CDC14B: variants seen among roughly 807,000 people sequenced by gnomAD.
CDC14B encodes cell division cycle 14B, also known as dual specificity protein phosphatase CDC14B.
In CDC14B, 22 loss-of-function variants were observed where a neutral mutation model predicts 64.2. That is an observed-to-expected ratio of 0.34 (90% CI 0.24 to 0.49). The LOEUF is 0.49. CDC14B is among the 20% of genes least tolerant of loss of function. The probability of loss-of-function intolerance (pLI) is 0.99; values close to 1 mark genes in which losing one functional copy is unlikely to be tolerated. For missense variants in CDC14B, 498 were observed against 629.9 expected, an observed-to-expected ratio of 0.79 and a Z score of 2.24; for synonymous variants, 191 against 215.8, an observed-to-expected ratio of 0.89 and a Z score of 1.01.
At chr9:96,568,405 C>A (rs1427488586) in intron 1 of CDC14B, among the ~76,000 whole-genome samples, 1 of 152,124 alleles carries the variant, frequency 6.6e-6, no homozygotes, top group East Asian at 1.9e-4. Flanking sequence ...GATACCTAAC[C>A]TCAATTTGTT....
chr9:96,604,676 G>A (rs376555323), intron 1 of CDC14B, among the ~76,000 whole-genome samples: 2 of 150,536 alleles, frequency 1.3e-5, no homozygotes, highest in East Asian at 2.0e-4. Flanking sequence ...TGCGGGGGGC[G>A]GGGCAGGAGG....
chr9:96,581,004 G>C (rs536628806), intron 1 of CDC14B, among the ~76,000 whole-genome samples: 48 of 152,262 alleles, frequency 3.2e-4, no homozygotes, highest in South Asian at 2.5e-3. Context: ...GGCAGAGGCG[G>C]GTGGATCACA....
chr9:96,606,813 G>A (rs1302902471), intron 1 of CDC14B, among the ~76,000 whole-genome samples: 2 of 152,022 alleles, frequency 1.3e-5, no homozygotes, highest in African/African-American at 4.8e-5. Context: ...TGATTTGCCT[G>A]CCTCAGCCTC....
chr9:96,614,632 A>G (rs1029857986), intron 1 of CDC14B, among the ~76,000 whole-genome samples: 2 of 152,192 alleles, frequency 1.3e-5, no homozygotes, highest in Non-Finnish European at 2.9e-5. Flanking sequence ...GTACACTGCC[A>G]TGAATGGAGG....
At chr9:96,539,882 C>A (rs1000470947) in intron 6 of CDC14B, among the ~76,000 whole-genome samples, 2 of 152,154 alleles carry the variant, frequency 1.3e-5, no homozygotes, top group Admixed American at 1.3e-4. Flanking sequence ...GCTGCTGATC[C>A]CTGAGCCAAA....
chr9:96,575,263 C>A (rs2118144069), intron 1 of CDC14B, among the ~76,000 whole-genome samples: 1 of 152,264 alleles, frequency 6.6e-6, no homozygotes, highest in Non-Finnish European at 1.5e-5. Context: ...GCAAGTAATT[C>A]CAGTTGCCTT....
chr9:96,593,902 T>C (rs1177661227), intron 1 of CDC14B, among the ~76,000 whole-genome samples: 1 of 152,182 alleles, frequency 6.6e-6, no homozygotes, highest in Non-Finnish European at 1.5e-5. Context: ...GGTAGCCATC[T>C]GAAAAGATAA....
At position 96,618,573 on chromosome 9, in the gene CDC14B, T is replaced by TGACACCTTCCTTCTCGAGGCCCCGG. The variant is rs1189102808; in HGVS notation, c.160+621_160+645dup. On this transcript the variant is annotated intron_variant, in intron 1 of 13. Coordinates refer to ENST00000375241, the MANE Select transcript of CDC14B (RefSeq NM_033331.4). ...CCGGCTGGCTCGAATGCCACCAACG[T>TGACACCTTCCTTCTCGAGGCCCCGG]GACACCTTCCTTCTCGAGGCCCCGG... The TGACACCTTCCTTCTCGAGGCCCCGG allele has an allele frequency of 5.6e-6, 3 of 533,280 alleles. No individual in the cohort carries two copies. The Admixed American group carries it at 5.8e-5, about 10-fold the overall frequency. The allele number at this position is 533,280 out of a possible 1,614,324, so 33.0% of individuals were successfully genotyped here. A position where few individuals can be genotyped will look rare whatever the true frequency, so the allele number is the denominator to read the frequency against.
At chr9:96,603,055 T>G (rs1310937528) in intron 1 of CDC14B, among the ~76,000 whole-genome samples, 1 of 151,956 alleles carries the variant, frequency 6.6e-6, no homozygotes, top group Non-Finnish European at 1.5e-5. Flanking sequence ...CATCTCCCTT[T>G]GTTCCAATTC....
At chr9:96,577,113 T>A (rs1844860608) in intron 1 of CDC14B, among the ~76,000 whole-genome samples, 1 of 151,836 alleles carries the variant, frequency 6.6e-6, no homozygotes, top group African/African-American at 2.4e-5. Flanking sequence ...TGAGCCGGCG[T>A]GGTGGCATGT....
At chr9:96,569,267 T>C (rs1303818621) in intron 1 of CDC14B, among the ~76,000 whole-genome samples, 1 of 152,222 alleles carries the variant, frequency 6.6e-6, no homozygotes, top group African/African-American at 2.4e-5. Flanking sequence ...GAGCACAGTA[T>C]GAGGCAACCT....
intron 1 of CDC14B, among the ~76,000 whole-genome samples, chr9:96,591,315 G>C (rs1370809548): frequency 6.6e-6 from 1 of 152,136 alleles, no homozygotes; most frequent in Non-Finnish European, 1.5e-5. Context: ...TCATTCTCTT[G>C]CAGGTGGACA....
At chr9:96,542,931 A>C (rs115199944) in intron 5 of CDC14B, among the ~76,000 whole-genome samples, 7,900 of 152,016 alleles carry the variant, frequency 0.052, 689 homozygotes, top group African/African-American at 0.18. Context: ...TTGCTTGAAC[A>C]AGAGAGATGG....
intron 1 of CDC14B, among the ~76,000 whole-genome samples, chr9:96,617,459 G>GT (rs1847702233): frequency 6.6e-6 from 1 of 152,014 alleles, no homozygotes; most frequent in African/African-American, 2.4e-5. Flanking sequence ...ATACGTACTT[G>GT]TTAATGGTTT....
intron 1 of CDC14B, among the ~76,000 whole-genome samples, chr9:96,594,105 G>A (rs567685039): frequency 2.6e-5 from 4 of 152,228 alleles, no homozygotes; most frequent in South Asian, 2.1e-4. Context: ...TACATTATAC[G>A]TTTTTCAAGA....
In CDC14B at chr9:96,564,767, A is replaced by G. The variant is rs999861261; in HGVS notation, c.327+10T>C. Reference sequence around the variant, plus strand: ...CAATGATTACTTAAGTCAAATCTTAAAGACTTTACCTTTAATTTCTTATTG... The same window carrying G: ...CAATGATTACTTAAGTCAAATCTTAGAGACTTTACCTTTAATTTCTTATTG... On this transcript the variant is annotated intron_variant, in intron 3 of 13. Coordinates refer to ENST00000375241, the MANE Select transcript of CDC14B (RefSeq NM_033331.4). The G allele has an allele frequency of 6.5e-7, 1 of 1,546,798 alleles. No homozygotes were observed. The highest frequency in any genetic ancestry group is 8.8e-7 in the Non-Finnish European group (1 of 1,131,894).
chr9:96,585,888 A>G (rs1322256103), intron 1 of CDC14B, among the ~76,000 whole-genome samples: 2 of 152,246 alleles, frequency 1.3e-5, no homozygotes, highest in Non-Finnish European at 2.9e-5. Flanking sequence ...GATAGACCGC[A>G]TATATTCATA....
chr9:96,618,405 A>T, intron 1 of CDC14B: 1 of 496,964 alleles, frequency 2.0e-6, no homozygotes, highest in South Asian at 1.5e-5. Context: ...AATCCCAGCA[A>T]ACCTAACAGC....
At chr9:96,616,231 CAGG>C (rs1847615422) in intron 1 of CDC14B, among the ~76,000 whole-genome samples, 1 of 151,946 alleles carries the variant, frequency 6.6e-6, no homozygotes, top group East Asian at 1.9e-4. Context: ...GAAGCTGAGG[CAGG>C]AGAATTGCTT....
Sources: allele counts gnomAD v4.1 joint callset (sites outside exome capture counted in the v4.1 genomes callset), GRCh38; gene constraint gnomAD v4.1.1; transcripts MANE v1.5; gene names NCBI Gene and HGNC (gene_info 2026-07-23, HGNC 2026-07-21).